The following GRIP1 variants were observed in gnomAD, a reference collection of about 807,000 sequenced individuals.
GRIP1 encodes glutamate receptor interacting protein 1.
In GRIP1, 45 loss-of-function variants were observed where a neutral mutation model predicts 129.9. The ratio of observed to expected loss-of-function variants is 0.35; its 90% CI spans 0.27 to 0.44. The LOEUF (loss-of-function observed/expected upper bound fraction) is 0.44, where lower values mean the gene tolerates loss of function less well. Among genes scored for constraint, GRIP1 ranks in the 20% least tolerant of loss-of-function variants. The pLI is 1.00. For synonymous variants in GRIP1, 530 were observed against 520.8 expected (o/e 1.02, Z -0.24); for missense variants, 1,196 against 1,396.8 (o/e 0.86, Z 2.29).
In GRIP1 at chr12:66,373,042, C is replaced by T. The variant is rs577793380; in HGVS notation, c.2779-1115G>A. Among the ~76,000 whole-genome samples, 41 of 152,280 alleles carry T rather than the reference C, an allele frequency of 2.7e-4. No individual in the cohort carries two copies. In the East Asian group the frequency reaches 6.9e-3, roughly 26 times the overall value. On this transcript the variant is annotated intron_variant, in intron 22 of 24. Transcript: ENST00000359742. ...GTAGTCACTCATTTAAGCCTCACAACAACTCTATGGGGTAGGCACTGTTAC... is the reference window on the plus strand; with the variant it reads ...GTAGTCACTCATTTAAGCCTCACAATAACTCTATGGGGTAGGCACTGTTAC...
chr12:66,765,515 A>AT (rs1282295589), intron 1 of GRIP1, among the ~76,000 whole-genome samples: 2 of 152,172 alleles, frequency 1.3e-5, no homozygotes, highest in African/African-American at 4.8e-5. Flanking sequence ...AGAGTGTGAT[A>AT]TTGTGGACTT....
chr12:66,393,497 C>A (rs2056673993), intron 17 of GRIP1, among the ~76,000 whole-genome samples: 1 of 152,092 alleles, frequency 6.6e-6, no homozygotes, highest in African/African-American at 2.4e-5. Context: ...CTAAGGTACA[C>A]TGCAGCTCCA....
At chr12:66,787,342 A>G (rs917281280) in intron 1 of GRIP1, among the ~76,000 whole-genome samples, 2 of 150,244 alleles carry the variant, frequency 1.3e-5, no homozygotes, top group African/African-American at 2.4e-5. Flanking sequence ...GATTTTAAAC[A>G]ATATTTAGCA....
At chr12:66,570,671 C>T (rs1431941568) in intron 2 of GRIP1, among the ~76,000 whole-genome samples, 2 of 152,156 alleles carry the variant, frequency 1.3e-5, no homozygotes, top group Admixed American at 6.6e-5. Context: ...CCTTAACTGG[C>T]ACAGGCTTCT....
intron 1 of GRIP1, among the ~76,000 whole-genome samples, chr12:66,871,688 CCT>C (rs1592918565): frequency 6.6e-6 from 1 of 152,132 alleles, no homozygotes; most frequent in East Asian, 1.9e-4. Flanking sequence ...CCATGCTCAG[CCT>C]AAAGGGTAAA....
At chr12:66,742,516 G>T (rs531740903) in intron 1 of GRIP1, among the ~76,000 whole-genome samples, 37 of 152,216 alleles carry the variant, frequency 2.4e-4, no homozygotes, top group African/African-American at 8.4e-4. Context: ...GCACTTCCAG[G>T]ATCATCTTGA....
intron 1 of GRIP1, among the ~76,000 whole-genome samples, chr12:66,982,733 G>A (rs1788096274): frequency 1.3e-5 from 2 of 152,156 alleles, no homozygotes; most frequent in African/African-American, 4.8e-5. Flanking sequence ...AGCCCCAACT[G>A]ATGCCCCGAT....
At chr12:67,015,594 G>C (rs2042774152) in intron 1 of GRIP1, among the ~76,000 whole-genome samples, 1 of 152,184 alleles carries the variant, frequency 6.6e-6, no homozygotes, top group Non-Finnish European at 1.5e-5. Context: ...GAAATGGAGA[G>C]AGTGAGGAGG....
chr12:66,979,252 A>AAAAAAAAAACAAC (rs772753895), intron 1 of GRIP1, among the ~76,000 whole-genome samples: 2 of 110,160 alleles, frequency 1.8e-5, no homozygotes, highest in African/African-American at 3.3e-5. Flanking sequence ...AAAAAAAAAA[A>AAAAAAAAAACAAC]AACAAGCCCG....
chr12:66,960,640 G>A (rs1396370793), intron 1 of GRIP1, among the ~76,000 whole-genome samples: 1 of 152,104 alleles, frequency 6.6e-6, no homozygotes, highest in African/African-American at 2.4e-5. Flanking sequence ...AGGGTCCTCG[G>A]CTACAACTTG....
intron 2 of GRIP1, among the ~76,000 whole-genome samples, chr12:66,580,584 CA>C (rs1296976246): frequency 1.4e-5 from 2 of 143,538 alleles, no homozygotes; most frequent in East Asian, 2.1e-4. Context: ...AAATGGAAAA[CA>C]AAAAAAGGCA....
At chr12:66,639,991 C>T (rs567882802) in intron 1 of GRIP1, among the ~76,000 whole-genome samples, 3 of 152,296 alleles carry the variant, frequency 2.0e-5, no homozygotes, top group East Asian at 1.9e-4. Flanking sequence ...CACATACCCA[C>T]ACCTCTCTCT....
chr12:66,820,173 G>A (rs935630875), intron 1 of GRIP1, among the ~76,000 whole-genome samples: 3 of 152,226 alleles, frequency 2.0e-5, no homozygotes, highest in Non-Finnish European at 4.4e-5. Context: ...CACTTTGGAA[G>A]GCCGAGGTGG....
At chr12:66,414,968 AT>A (rs2057540923) in intron 15 of GRIP1, among the ~76,000 whole-genome samples, 1 of 149,556 alleles carries the variant, frequency 6.7e-6, no homozygotes, top group Non-Finnish European at 1.5e-5. Flanking sequence ...ATAAAATAAA[AT>A]AAAATAAAAT....
intron 2 of GRIP1, among the ~76,000 whole-genome samples, chr12:66,550,232 G>T (rs1202592727): frequency 3.9e-5 from 6 of 151,950 alleles, no homozygotes; most frequent in African/African-American, 1.5e-4. Flanking sequence ...TCTAATTTAG[G>T]GATAATAATG....
At chr12:66,717,090 A>C (rs1286768384) in intron 1 of GRIP1, among the ~76,000 whole-genome samples, 1 of 152,130 alleles carries the variant, frequency 6.6e-6, no homozygotes, top group Non-Finnish European at 1.5e-5. Flanking sequence ...ACTTATTCTT[A>C]GATGGAAAAC....
intron 7 of GRIP1, among the ~76,000 whole-genome samples, chr12:66,475,704 T>C (rs1292626802): frequency 6.6e-6 from 1 of 152,170 alleles, no homozygotes; most frequent in East Asian, 1.9e-4. Flanking sequence ...ACATGGAAAC[T>C]GAACAACTTG....
At chr12:66,928,528 T>C (rs1282193365) in intron 1 of GRIP1, among the ~76,000 whole-genome samples, 3 of 144,214 alleles carry the variant, frequency 2.1e-5, no homozygotes, top group Non-Finnish European at 4.7e-5. Flanking sequence ...CATTCATTCA[T>C]TTAAAAAAAA....
chr12:67,014,853 G>C (rs1733183534), intron 1 of GRIP1, among the ~76,000 whole-genome samples: 1 of 152,126 alleles, frequency 6.6e-6, no homozygotes, highest in African/African-American at 2.4e-5. Context: ...CAGAAAAGTT[G>C]CAGTCAGAAA....
Sources: gnomAD v4.1 joint callset for allele counts (sites outside exome capture counted in the v4.1 genomes callset) on GRCh38, gnomAD v4.1.1 for gene constraint, MANE v1.5 for transcripts, NCBI Gene and HGNC (gene_info 2026-07-23, HGNC 2026-07-21) for gene names.